The following THADA variants were observed in gnomAD, a reference collection of about 807,000 sequenced individuals.
THADA encodes the protein THADA armadillo repeat containing, also known as tRNA (32-2'-O)-methyltransferase regulator THADA.
Under a neutral mutation model 219.8 loss-of-function variants are expected in THADA, and 213 were observed. That is an observed-to-expected ratio of 0.97 (90% CI 0.87 to 1.09). THADA has a LOEUF of 1.09. Among genes scored for constraint, THADA ranks in the 50% least tolerant of loss-of-function variants. The probability of loss-of-function intolerance (pLI) is 0.00; values close to 1 mark genes in which losing one functional copy is unlikely to be tolerated. For missense variants in THADA, 2,956 were observed against 2,311.3 expected (o/e 1.28, Z -5.72); for synonymous variants, 1,018 against 828.9 (o/e 1.23, Z -3.92).
intron 35 of THADA, among the ~76,000 whole-genome samples, chr2:43,281,835 A>G (rs1378199103): frequency 6.6e-6 from 1 of 150,734 alleles, no homozygotes; most frequent in Non-Finnish European, 1.5e-5. Flanking sequence ...CAGTGGCACA[A>G]TGGCTCACAC....
chr2:43,291,267 T>C (rs543782198), intron 34 of THADA, among the ~76,000 whole-genome samples: 105 of 151,000 alleles, frequency 7.0e-4, no homozygotes, highest in African/African-American at 2.4e-3. Context: ...CTGGACAACA[T>C]GGTGAAACCC....
chr2:43,244,842 G>A (rs1019585468), intron 36 of THADA, among the ~76,000 whole-genome samples: 2 of 152,190 alleles, frequency 1.3e-5, no homozygotes, highest in Admixed American at 6.5e-5. Context: ...CAGGTGGTAA[G>A]TGCCTTGCAC....
At chr2:43,468,281 G>C (rs1174370852) in intron 26 of THADA, among the ~76,000 whole-genome samples, 1 of 152,124 alleles carries the variant, frequency 6.6e-6, no homozygotes, top group Non-Finnish European at 1.5e-5. Flanking sequence ...GGAAAAATCT[G>C]GTTTAGTTTA....
chr2:43,558,666 T>C (rs1286040664), intron 16 of THADA, among the ~76,000 whole-genome samples: 2 of 152,182 alleles, frequency 1.3e-5, no homozygotes, highest in Non-Finnish European at 2.9e-5. Context: ...CAGCTTTAGC[T>C]TCCTTGCTCC....
chr2:43,460,238 T>TAA (rs10560565), intron 26 of THADA, among the ~76,000 whole-genome samples: 66 of 63,546 alleles, frequency 1.0e-3, no homozygotes, highest in Non-Finnish European at 1.4e-3. Context: ...TTTCTCTTAA[T>TAA]AAAAAAAAAA....
At chr2:43,299,639 G>A (rs1044669352) in intron 31 of THADA, among the ~76,000 whole-genome samples, 1 of 151,910 alleles carries the variant, frequency 6.6e-6, no homozygotes, top group Non-Finnish European at 1.5e-5. Context: ...TCCAGCCTGA[G>A]CAACAGAAGA....
At chr2:43,486,977 A>C (rs1553460841) in intron 25 of THADA, among the ~76,000 whole-genome samples, 1 of 152,194 alleles carries the variant, frequency 6.6e-6, no homozygotes, top group Non-Finnish European at 1.5e-5. Flanking sequence ...ATAGAAGTGA[A>C]CTTTACAGAT....
At chr2:43,522,814 T>G (rs1013008496) in intron 22 of THADA, among the ~76,000 whole-genome samples, 1 of 152,068 alleles carries the variant, frequency 6.6e-6, no homozygotes, top group Non-Finnish European at 1.5e-5. Context: ...TAATCCACAA[T>G]AGAAAAGGGA....
intron 29 of THADA, among the ~76,000 whole-genome samples, chr2:43,360,459 G>A (rs1453848605): frequency 6.6e-6 from 1 of 152,186 alleles, no homozygotes; most frequent in Admixed American, 6.5e-5. Flanking sequence ...CCTCAAGACT[G>A]GAATATGTTT....
intron 29 of THADA, among the ~76,000 whole-genome samples, chr2:43,394,319 A>C (rs913460564): frequency 6.6e-6 from 1 of 152,216 alleles, no homozygotes; most frequent in African/African-American, 2.4e-5. Context: ...AGTCCCAGAA[A>C]ATTCAGAGAT....
rs1210103955 is a variant in THADA, at chr2:43,373,163, T to C, written c.4227+24808A>G. Reference sequence around the variant, plus strand: ...CTTATTCATTCATTTAACAAACATGTATTGGGTGTTTAAGGTTAAATGTTA... The same window carrying C: ...CTTATTCATTCATTTAACAAACATGCATTGGGTGTTTAAGGTTAAATGTTA... On this transcript the variant is annotated intron_variant, in intron 29 of 37. Coordinates refer to ENST00000405975, the MANE Select transcript of THADA (RefSeq NM_022065.5). Among the ~76,000 whole-genome samples the C allele has an allele frequency of 5.9e-5, 9 of 152,322 alleles. 1 individual carries two copies. In the South Asian group the frequency reaches 1.7e-3, roughly 28 times the overall value.
chr2:43,428,537 G>A (rs1301782223), intron 27 of THADA, among the ~76,000 whole-genome samples: 3 of 152,106 alleles, frequency 2.0e-5, no homozygotes, highest in Admixed American at 6.5e-5. Context: ...CCTAGGAGGC[G>A]GAGGTTGCAG....
At chr2:43,250,962 C>T (rs957333827) in intron 36 of THADA, among the ~76,000 whole-genome samples, 4 of 152,102 alleles carry the variant, frequency 2.6e-5, no homozygotes, top group African/African-American at 4.8e-5. Context: ...GGTGGACAGA[C>T]GAAGGTGAAC....
Position 43,287,014 on chromosome 2 carries a change from G to A in THADA, c.5058C>T (p.Val1686=), listed in dbSNP as rs1330812621. The A allele has an allele frequency of 6.2e-7, 1 of 1,613,874 alleles. No individual in the cohort carries two copies. The highest frequency in any genetic ancestry group is 8.5e-7 in the Non-Finnish European group (1 of 1,179,866). Residue 1686 remains valine (V), a synonymous_variant, in exon 35 of 38, where the codon GTC becomes GTT. Transcript: ENST00000405975. ...GAAGATGGTCTTCACATGACAAGATGACCAGCTGAACCCACTGCTTCAGCT... is the reference window on the plus strand; with the variant it reads ...GAAGATGGTCTTCACATGACAAGATAACCAGCTGAACCCACTGCTTCAGCT... ...AAELKQWVQL[V]ILSCEDHLPT...
intron 25 of THADA, among the ~76,000 whole-genome samples, chr2:43,494,184 A>G (rs1043187502): frequency 2.6e-5 from 4 of 152,208 alleles, no homozygotes; most frequent in African/African-American, 4.8e-5. Context: ...TTGACCAGTA[A>G]AAGACAAACA....
rs140045044 is a variant in THADA, at chr2:43,559,036, T to C, written c.2463+1198A>G. Reference sequence around the variant, plus strand: ...CAGGTCTTTCACATTTATGCCATAATATGCCTTCTCCATCCAGGTACTCTC... The same window carrying C: ...CAGGTCTTTCACATTTATGCCATAACATGCCTTCTCCATCCAGGTACTCTC... On this transcript the variant is annotated intron_variant, in intron 16 of 37. Coordinates refer to ENST00000405975, the MANE Select transcript of THADA (RefSeq NM_022065.5). Among the ~76,000 whole-genome samples the C allele has an allele frequency of 1.5e-4, 23 of 152,304 alleles. No individual in the cohort carries two copies. The East Asian group carries it at 3.9e-3, about 26-fold the overall frequency.
chr2:43,436,731 T>G (rs2104844761), intron 26 of THADA, among the ~76,000 whole-genome samples: 1 of 152,320 alleles, frequency 6.6e-6, no homozygotes, highest in East Asian at 1.9e-4. Flanking sequence ...CTTTAAGATT[T>G]ACCAGCTGAT....
At position 43,400,470 on chromosome 2, in the gene THADA, T is replaced by TATATATATATATATAA. The variant is rs1273903312; in HGVS notation, c.4059-2332_4059-2331insTTATATATATATATAT. On this transcript the variant is annotated intron_variant, in intron 28 of 37. Coordinates refer to ENST00000405975, the MANE Select transcript of THADA (RefSeq NM_022065.5). ...TCATAGACAAATTTATATATATATA[T>TATATATATATATATAA]ATATATAAATATATACACTAAGAAA... Among the ~76,000 whole-genome samples, 357 of 143,438 alleles carry TATATATATATATATAA rather than the reference T, an allele frequency of 2.5e-3. 9 individuals are homozygous for TATATATATATATATAA. The highest frequency in any genetic ancestry group is 8.8e-3 in the African/African-American group (340 of 38,824). The allele number at this position is 143,438 out of a possible 152,430, so 94.1% of individuals were successfully genotyped here.
chr2:43,580,176 C>T (rs1047293544), intron 8 of THADA, among the ~76,000 whole-genome samples: 1 of 149,806 alleles, frequency 6.7e-6, no homozygotes, highest in African/African-American at 2.5e-5. Context: ...AGGTGCACGC[C>T]ACCACGCCCA....
Sources: allele counts gnomAD v4.1 joint callset (sites outside exome capture counted in the v4.1 genomes callset), GRCh38; gene constraint gnomAD v4.1.1; transcripts MANE v1.5; gene names NCBI Gene and HGNC (gene_info 2026-07-23, HGNC 2026-07-21).